The following NCAM1 variants were observed in gnomAD, a reference collection of about 807,000 sequenced individuals.
NCAM1 encodes the protein antigen recognized by monoclonal antibody 5.1H11.
NCAM1 carries 14 observed loss-of-function variants against 109.8 expected under a neutral mutation model. The ratio of observed to expected loss-of-function variants is 0.13; its 90% confidence interval spans 0.08 to 0.20. The LOEUF is 0.20. Ranked by LOEUF, NCAM1 falls within the 10% of genes least tolerant of loss-of-function variation. The pLI is 1.00. For missense variants in NCAM1, 774 were observed against 1,109.9 expected, an observed-to-expected ratio of 0.70 and a Z score of 4.30; for synonymous variants, 418 against 442.9, an observed-to-expected ratio of 0.94 and a Z score of 0.70.
chr11:113,063,202 C>A (rs1937761842), intron 1 of NCAM1, among the ~76,000 whole-genome samples: 1 of 152,154 alleles, frequency 6.6e-6, no homozygotes, highest in African/African-American at 2.4e-5. Context: ...TGAGTAAACT[C>A]ACCTGGTGCT....
At chr11:113,226,184 AC>A (rs1166710330) in intron 9 of NCAM1, among the ~76,000 whole-genome samples, 1 of 152,200 alleles carries the variant, frequency 6.6e-6, no homozygotes, top group African/African-American at 2.4e-5. Context: ...TATTCAGGAA[AC>A]CCTTCTCACG....
chr11:113,174,153 C>A (rs781871016), intron 1 of NCAM1, among the ~76,000 whole-genome samples: 1 of 152,066 alleles, frequency 6.6e-6, no homozygotes, highest in Non-Finnish European at 1.5e-5. Flanking sequence ...AAATATATAT[C>A]CCCTCCTGAA....
At chr11:113,157,584 A>G (rs1050643560) in intron 1 of NCAM1, among the ~76,000 whole-genome samples, 2 of 152,140 alleles carry the variant, frequency 1.3e-5, no homozygotes, top group Non-Finnish European at 2.9e-5. Flanking sequence ...CTATACTCCT[A>G]CACATTACTG....
At chr11:113,150,403 G>A (rs1383905006) in intron 1 of NCAM1, among the ~76,000 whole-genome samples, 3 of 152,176 alleles carry the variant, frequency 2.0e-5, no homozygotes, top group Non-Finnish European at 4.4e-5. Context: ...CCTCGGGTTC[G>A]TATGCATGCC....
chr11:113,245,398 T>C (rs1945472611), intron 14 of NCAM1, among the ~76,000 whole-genome samples: 1 of 152,214 alleles, frequency 6.6e-6, no homozygotes, highest in Admixed American at 6.5e-5. Flanking sequence ...GCTATCTTCA[T>C]GCCACTGCAC....
intron 1 of NCAM1, among the ~76,000 whole-genome samples, chr11:112,993,860 A>G (rs1555070975): frequency 6.6e-6 from 1 of 152,064 alleles, no homozygotes; most frequent in Non-Finnish European, 1.5e-5. Flanking sequence ...TGCCTATGTG[A>G]CCTTCTGAAG....
At chr11:113,017,224 G>A (rs1008219781) in intron 1 of NCAM1, among the ~76,000 whole-genome samples, 4 of 152,100 alleles carry the variant, frequency 2.6e-5, no homozygotes, top group African/African-American at 9.7e-5. Context: ...TTTGTTGTTT[G>A]GTCCCTTGGA....
chr11:112,973,447 A>G (rs2134570870), intron 1 of NCAM1, among the ~76,000 whole-genome samples: 1 of 152,244 alleles, frequency 6.6e-6, no homozygotes, highest in South Asian at 2.1e-4. Flanking sequence ...ATTATAAATT[A>G]TCTTTCTTTC....
In NCAM1 at chr11:112,962,333, C is replaced by T. The variant is rs2134410925; in HGVS notation, c.52+669C>T. Among the ~76,000 whole-genome samples the T allele has an allele frequency of 6.6e-6, 1 of 152,244 alleles. No individual in the cohort carries two copies. The highest frequency in any genetic ancestry group is 1.9e-4 in the East Asian group (1 of 5,158). On this transcript the variant is annotated intron_variant, in intron 1 of 19. Coordinates refer to ENST00000316851, the MANE Select transcript of NCAM1 (RefSeq NM_181351.5). This position sits in a 1 kb window ranked among gnomAD's most constrained non-coding sequence, Gnocchi z 5.6. The stretch of plus-strand genomic sequence containing the variant: ...ATTGCTGGTTAGTTGCAAAGCCTAC[C>T]CTCGGCCGCGAGCACTGAAGGATGG...
rs199922897 is a variant in NCAM1, at chr11:112,980,692, G to T, written c.52+19028G>T. The stretch of plus-strand genomic sequence containing the variant: ...TAAGTTCTTTAGTGGTGATTTCTGA[G>T]ATTTTGGTGCACCTGTCACTGGAGC... On this transcript the variant is annotated intron_variant, in intron 1 of 19. Transcript: ENST00000316851. 2.0e-5 allele frequency among the ~76,000 whole-genome samples: 3 copies of T among 151,864 alleles called. No homozygotes were observed. In the East Asian group the frequency reaches 5.8e-4, roughly 29 times the overall value.
At chr11:113,214,806 A>T (rs150423995) in intron 8 of NCAM1, among the ~76,000 whole-genome samples, 215 of 152,254 alleles carry the variant, frequency 1.4e-3, no homozygotes, top group African/African-American at 5.1e-3. Flanking sequence ...AGAGTTATGG[A>T]GCTGTGAGGG....
At chr11:113,038,675 G>A (rs1245520501) in intron 1 of NCAM1, among the ~76,000 whole-genome samples, 2 of 152,182 alleles carry the variant, frequency 1.3e-5, no homozygotes, top group African/African-American at 2.4e-5. Context: ...TTTTGGGAGC[G>A]TTGGATTTAG....
At chr11:113,205,455 G>A (rs1944208422) in intron 3 of NCAM1, 68 bp from the exon 4 acceptor site, 2 of 1,545,800 alleles carry the variant, frequency 1.3e-6, no homozygotes, top group African/African-American at 2.7e-5. Context: ...AGGTACCATG[G>A]CTCTAGTGAA....
At chr11:113,041,588 C>A (rs191934363) in intron 1 of NCAM1, among the ~76,000 whole-genome samples, 1 of 152,150 alleles carries the variant, frequency 6.6e-6, no homozygotes, top group Non-Finnish European at 1.5e-5. Context: ...CAATGGTAGA[C>A]CCGCTCATCA....
chr11:113,205,784 T>C (rs1555112757), intron 4 of NCAM1, 118 bp downstream of exon 4: 6 of 1,388,334 alleles, frequency 4.3e-6, no homozygotes, highest in Non-Finnish European at 5.9e-6. Flanking sequence ...CGAACCCTCA[T>C]GTGGTTTCTG....
chr11:113,206,286 A>C lies in NCAM1; in HGVS notation c.628+106A>C, dbSNP rs1591416881. On this transcript the variant is annotated intron_variant, in intron 5 of 19. Coordinates refer to ENST00000316851, the MANE Select transcript of NCAM1 (RefSeq NM_181351.5). ...GGTCTGTAAATTAAATCCTGTCCTG[A>C]CTCAATCATCCGTCTGAGCTAAATC... The C allele has an allele frequency of 1.2e-5, 15 of 1,235,006 alleles. No homozygotes were observed. The South Asian group carries it at 2.2e-4, about 18-fold the overall frequency. The allele number at this position is 1,235,006 out of a possible 1,614,324, so 76.5% of individuals were successfully genotyped here.
chr11:113,125,653 G>A (rs1270599073), intron 1 of NCAM1, among the ~76,000 whole-genome samples: 1 of 152,192 alleles, frequency 6.6e-6, no homozygotes, highest in Non-Finnish European at 1.5e-5. Context: ...CTCAGAGCCC[G>A]CTGGGCAGAG....
intron 8 of NCAM1, among the ~76,000 whole-genome samples, chr11:113,219,204 A>G (rs1591429726): frequency 6.6e-6 from 1 of 152,250 alleles, no homozygotes; most frequent in East Asian, 1.9e-4. Context: ...TTAGGCTGAC[A>G]GAATATCCCA....
chr11:113,113,446 A>G lies in NCAM1; in HGVS notation c.53-88933A>G, dbSNP rs187566730. ...GTTGACTTTGTTTCTCTCTGGAATT[A>G]TATATAATTTCCTGTTTGCTATGAT... On this transcript the variant is annotated intron_variant, in intron 1 of 19. Transcript: ENST00000316851. Among the ~76,000 whole-genome samples, 5 of 152,294 alleles carry G rather than the reference A, an allele frequency of 3.3e-5. No individual in the cohort carries two copies. The East Asian group carries it at 7.7e-4, about 24-fold the overall frequency.
Sources: gnomAD v4.1 joint callset for allele counts (sites outside exome capture counted in the v4.1 genomes callset) on GRCh38, gnomAD v4.1.1 for gene constraint, Gnocchi (gnomAD v3.1) non-coding constraint, MANE v1.5 for transcripts, NCBI Gene and HGNC (gene_info 2026-07-23, HGNC 2026-07-21) for gene names.